Variants in CNTN1 observed in about 807,000 individuals in gnomAD.
CNTN1 encodes the protein contactin 1.
In CNTN1, 38 loss-of-function variants were observed where a neutral mutation model predicts 126.4. The ratio of observed to expected loss-of-function variants is 0.30; its 90% confidence interval spans 0.23 to 0.39. The LOEUF is 0.39. Among genes scored for constraint, CNTN1 ranks in the 10% least tolerant of loss-of-function variants. CNTN1 has a pLI of 1.00. For synonymous variants in CNTN1, 413 were observed against 422.6 expected, an observed-to-expected ratio of 0.98 and a Z score of 0.28; for missense variants, 1,009 against 1,248.4, an observed-to-expected ratio of 0.81 and a Z score of 2.89.
intron 1 of CNTN1, among the ~76,000 whole-genome samples, chr12:40,753,861 A>G (rs1007430722): frequency 6.6e-6 from 1 of 152,146 alleles, no homozygotes; most frequent in East Asian, 1.9e-4. Context: ...ATATGCTTAC[A>G]TGTTCTTCAA....
chr12:41,028,097 T>C (rs1231087473), intron 22 of CNTN1, 128 bp downstream of exon 22: 4 of 680,250 alleles, frequency 5.9e-6, no homozygotes, highest in Middle Eastern at 4.0e-4. Flanking sequence ...AGTGGTACAA[T>C]CTTGGCTCAT....
chr12:40,756,484 A>T (rs1938613307), intron 1 of CNTN1, among the ~76,000 whole-genome samples: 1 of 152,144 alleles, frequency 6.6e-6, no homozygotes, highest in Non-Finnish European at 1.5e-5. Flanking sequence ...ACTGCCAAAA[A>T]TTACAATAAA....
intron 1 of CNTN1, among the ~76,000 whole-genome samples, chr12:40,789,191 G>A (rs997477133): frequency 2.0e-5 from 3 of 152,100 alleles, no homozygotes; most frequent in Admixed American, 1.3e-4. Context: ...TGCTATGAAA[G>A]TTATTACTCT....
At position 40,842,736 on chromosome 12, in the gene CNTN1, ATAG is replaced by A. The variant is rs900711337; in HGVS notation, c.-76-65617_-76-65615del. On this transcript the variant is annotated intron_variant, in intron 1 of 23. Coordinates refer to ENST00000551295, the MANE Select transcript of CNTN1 (RefSeq NM_001843.4). ...TAGTGTCTAGCACAGTGCCTTGAAC[ATAG>A]TAGATGTTCAATAAATGTATGTTGA... Among the ~76,000 whole-genome samples the A allele has an allele frequency of 2.2e-4, 33 of 152,224 alleles. No individual in the cohort carries two copies. The East Asian group carries it at 4.8e-3, about 22-fold the overall frequency.
intron 1 of CNTN1, among the ~76,000 whole-genome samples, chr12:40,795,559 T>G: frequency 6.7e-6 from 1 of 149,580 alleles, no homozygotes; most frequent in East Asian, 2.0e-4. Flanking sequence ...TATATATAGG[T>G]TCTGTTGGTT....
chr12:40,912,336 A>T (rs1373755636), intron 3 of CNTN1, among the ~76,000 whole-genome samples: 3 of 151,984 alleles, frequency 2.0e-5, no homozygotes, highest in African/African-American at 4.8e-5. Context: ...TAACTAAATC[A>T]TTTGACAGCA....
intron 17 of CNTN1, among the ~76,000 whole-genome samples, chr12:40,997,692 G>A (rs1374817356): frequency 2.0e-5 from 3 of 152,050 alleles, no homozygotes; most frequent in Non-Finnish European, 4.4e-5. Context: ...TAGTGTATTC[G>A]GGACACATTT....
intron 1 of CNTN1, among the ~76,000 whole-genome samples, chr12:40,904,536 C>T (rs1024211044): frequency 6.6e-6 from 1 of 152,050 alleles, no homozygotes; most frequent in Non-Finnish European, 1.5e-5. Context: ...TCAAGCAATT[C>T]TCCTGCTTCA....
intron 17 of CNTN1, chr12:41,005,199 G>A (rs527700766): frequency 6.6e-6 from 1 of 152,160 alleles, no homozygotes; most frequent in East Asian, 1.9e-4. Context: ...AGCTTAGTTT[G>A]GCTAGATATA....
chr12:40,767,825 T>C (rs1289843293), intron 1 of CNTN1, among the ~76,000 whole-genome samples: 1 of 152,198 alleles, frequency 6.6e-6, no homozygotes, highest in Non-Finnish European at 1.5e-5. Context: ...ATTTATATTT[T>C]AGTAAGTAAA....
chr12:40,804,701 G>T (rs1190969378), intron 1 of CNTN1, among the ~76,000 whole-genome samples: 1 of 151,834 alleles, frequency 6.6e-6, no homozygotes, highest in Non-Finnish European at 1.5e-5. Context: ...GGAGCACAGT[G>T]GACTGGCTAT....
chr12:40,718,755 A>G (rs1162044190), intron 1 of CNTN1, among the ~76,000 whole-genome samples: 1 of 152,214 alleles, frequency 6.6e-6, no homozygotes, highest in African/African-American at 2.4e-5. Context: ...TTTAGAGTCA[A>G]TAAGTGATAG....
chr12:40,868,519 T>C (rs1241111936), intron 1 of CNTN1, among the ~76,000 whole-genome samples: 3 of 152,130 alleles, frequency 2.0e-5, no homozygotes, highest in African/African-American at 4.8e-5. Flanking sequence ...TTAAGGATGC[T>C]GAAAACTGAC....
chr12:41,028,657 A>G (rs1949083398), intron 22 of CNTN1, among the ~76,000 whole-genome samples: 1 of 152,196 alleles, frequency 6.6e-6, no homozygotes, highest in Non-Finnish European at 1.5e-5. Flanking sequence ...ATCACACACT[A>G]TCACATTTTT....
intron 1 of CNTN1, among the ~76,000 whole-genome samples, chr12:40,747,334 A>T (rs1417005239): frequency 5.3e-5 from 2 of 37,456 alleles, no homozygotes; most frequent in Non-Finnish European, 1.2e-4. Context: ...TGTGTGTGTT[A>T]GTGACTATTT....
At chr12:40,810,371 C>T (rs1290416733) in intron 1 of CNTN1, among the ~76,000 whole-genome samples, 2 of 152,152 alleles carry the variant, frequency 1.3e-5, no homozygotes, top group Non-Finnish European at 2.9e-5. Context: ...CACATAGCTA[C>T]CTTTTGTCCT....
intron 1 of CNTN1, among the ~76,000 whole-genome samples, chr12:40,786,698 A>G (rs1940035186): frequency 6.6e-6 from 1 of 152,174 alleles, no homozygotes; most frequent in Admixed American, 6.6e-5. Flanking sequence ...GTCAACAATA[A>G]AGAAGAACTG....
At chr12:40,866,476 A>C (rs968161900) in intron 1 of CNTN1, among the ~76,000 whole-genome samples, 3 of 152,138 alleles carry the variant, frequency 2.0e-5, no homozygotes. Flanking sequence ...AAGTTGGGAA[A>C]GTTTCCTTCT....
At chr12:40,738,002 G>C (rs980746629) in intron 1 of CNTN1, among the ~76,000 whole-genome samples, 1 of 151,948 alleles carries the variant, frequency 6.6e-6, no homozygotes, top group Non-Finnish European at 1.5e-5. Context: ...TAAATACATA[G>C]AGACTGAAAT....
Sources: gnomAD v4.1 joint callset for allele counts (sites outside exome capture counted in the v4.1 genomes callset) on GRCh38, gnomAD v4.1.1 for gene constraint, MANE v1.5 for transcripts, NCBI Gene and HGNC (gene_info 2026-07-23, HGNC 2026-07-21) for gene names.